TRAK1: variants seen among roughly 807,000 people sequenced by gnomAD.
TRAK1 encodes trafficking kinesin-binding protein 1.
In TRAK1, 33 loss-of-function variants were observed where a neutral mutation model predicts 92.1. That is an observed-to-expected ratio of 0.36 (90% CI 0.27 to 0.48). The LOEUF is 0.48. TRAK1 is among the 20% of genes least tolerant of loss of function. TRAK1 has a pLI of 0.99. For missense variants in TRAK1, 1,123 were observed against 1,257.9 expected, an observed-to-expected ratio of 0.89 and a Z score of 1.62; for synonymous variants, 521 against 517.3, an observed-to-expected ratio of 1.01 and a Z score of -0.10.
chr3:42,193,322 G>A lies in TRAK1; in HGVS notation c.900+117G>A, dbSNP rs55720913. The A allele has an allele frequency of 7.7e-6, 11 of 1,420,832 alleles. No homozygotes were observed. The East Asian group carries it at 1.7e-4, about 22-fold the overall frequency. The allele number at this position is 1,420,832 out of a possible 1,614,324, so 88.0% of individuals were successfully genotyped here. A position where few individuals can be genotyped will look rare whatever the true frequency, so the allele number is the denominator to read the frequency against. ...TCATATCTTAGCAGTTCGTGTTGCC[G>A]CTTTGCAGAAAAAGCTTAGTGGACT... On this transcript the variant is annotated intron_variant, in intron 8 of 15. Coordinates refer to ENST00000327628, the MANE Select transcript of TRAK1 (RefSeq NM_001042646.3).
intron 2 of TRAK1, among the ~76,000 whole-genome samples, chr3:42,153,026 C>T (rs1023550396): frequency 7.9e-5 from 12 of 152,124 alleles, no homozygotes; most frequent in East Asian, 1.9e-4. Flanking sequence ...TTGTAAGCGA[C>T]GAAGAGCCAG....
chr3:42,118,214 A>G (rs1359026928), intron 1 of TRAK1, among the ~76,000 whole-genome samples: 2 of 151,528 alleles, frequency 1.3e-5, no homozygotes, highest in African/African-American at 2.4e-5. Context: ...CCTCCCAAGT[A>G]GCTGGGATTA....
At chr3:42,035,214 C>T (rs1197668587) in intron 1 of TRAK1, among the ~76,000 whole-genome samples, 1 of 152,124 alleles carries the variant, frequency 6.6e-6, no homozygotes, top group Admixed American at 6.6e-5. Flanking sequence ...TGCTGTTTCC[C>T]TTGGCTTCTG....
chr3:42,222,995 C>T lies in TRAK1; in HGVS notation c.2120C>T (p.Thr707Met), dbSNP rs367557305. Residue 707 changes from threonine to methionine, a missense_variant, in exon 16 of 16, where the codon ACG (threonine) becomes ATG (methionine). Around this residue, in one of 3 missense-constraint regions of TRAK1, gnomAD observed 401 missense variants for 438.9 expected, o/e 0.91. Transcript: ENST00000327628. ...ACGSTSHLKSTPVATPCTPRR... is the reference protein window; with the variant it reads ...ACGSTSHLKSMPVATPCTPRR... ...GGCAGCACCAGCCACTTGAAATCCACGCCGGTGGCCACACCATGCACTCCA... is the reference window on the plus strand; with the variant it reads ...GGCAGCACCAGCCACTTGAAATCCATGCCGGTGGCCACACCATGCACTCCA... The T allele has an allele frequency of 5.6e-6, 9 of 1,613,992 alleles. No individual in the cohort carries two copies. In the African/African-American group the frequency reaches 6.7e-5, roughly 12 times the overall value.
intron 2 of TRAK1, among the ~76,000 whole-genome samples, chr3:42,133,496 C>T (rs1697486303): frequency 6.6e-6 from 1 of 152,214 alleles, no homozygotes; most frequent in African/African-American, 2.4e-5. Flanking sequence ...GCTGGGACTA[C>T]AGGTGCATAC....
intron 1 of TRAK1, among the ~76,000 whole-genome samples, chr3:42,079,626 C>T (rs1385531244): frequency 6.6e-6 from 1 of 151,944 alleles, no homozygotes; most frequent in Non-Finnish European, 1.5e-5. Context: ...ACTACAGGCG[C>T]TCACCACCAT....
At chr3:42,207,153 T>C (rs1708425417) in intron 13 of TRAK1, among the ~76,000 whole-genome samples, 1 of 152,212 alleles carries the variant, frequency 6.6e-6, no homozygotes. Flanking sequence ...CTCATCATCC[T>C]TCTCAGACTC....
At chr3:42,204,763 G>T (rs1435961334) in intron 13 of TRAK1, among the ~76,000 whole-genome samples, 1 of 151,960 alleles carries the variant, frequency 6.6e-6, no homozygotes, top group Non-Finnish European at 1.5e-5. Context: ...TTATTTATTT[G>T]TAGAGACAGG....
At chr3:42,092,460 G>A (rs1165252661) in intron 1 of TRAK1, among the ~76,000 whole-genome samples, 1 of 152,152 alleles carries the variant, frequency 6.6e-6, no homozygotes, top group Admixed American at 6.5e-5. Context: ...GTGTGTTGAA[G>A]CAGCGTGCAC....
At chr3:42,187,546 C>T (rs1159770535) in intron 4 of TRAK1, among the ~76,000 whole-genome samples, 2 of 152,122 alleles carry the variant, frequency 1.3e-5, no homozygotes, top group Admixed American at 6.6e-5. Context: ...CAGCTCACTA[C>T]AACCCCTGCC....
chr3:42,056,255 G>A (rs79009959), intron 1 of TRAK1, among the ~76,000 whole-genome samples: 8,370 of 152,166 alleles, frequency 0.055, 742 homozygotes, highest in African/African-American at 0.18. Flanking sequence ...TTGATAAATT[G>A]CCAGACTGTT....
chr3:42,101,983 G>A lies in TRAK1; in HGVS notation c.91+10423G>A, dbSNP rs182857208. Among the ~76,000 whole-genome samples, 43 of 152,184 alleles carry A rather than the reference G, an allele frequency of 2.8e-4. No homozygotes were observed. The East Asian group carries it at 7.2e-3, about 25-fold the overall frequency. ...ATTGTTCTTAAGTATGAAATATCAC[G>A]TACTTATTTATTTATTTTTTGAGAT... On this transcript the variant is annotated intron_variant, in intron 1 of 15. Coordinates refer to ENST00000327628, the MANE Select transcript of TRAK1 (RefSeq NM_001042646.3).
chr3:42,022,899 C>T (rs953685725), intron 1 of TRAK1, among the ~76,000 whole-genome samples: 2 of 151,904 alleles, frequency 1.3e-5, no homozygotes, highest in African/African-American at 2.4e-5. Context: ...TGGCTCACAC[C>T]TGTAATCCCA....
intron 1 of TRAK1, among the ~76,000 whole-genome samples, chr3:42,069,647 C>T (rs1703831258): frequency 6.6e-6 from 1 of 152,076 alleles, no homozygotes; most frequent in African/African-American, 2.4e-5. Flanking sequence ...TCTTGGCCAC[C>T]ATGTGATTCT....
intron 3 of TRAK1, among the ~76,000 whole-genome samples, chr3:42,183,289 T>C (rs1463195): frequency 0.75 from 114,638 of 151,950 alleles, 43,634 homozygotes; most frequent in East Asian, 0.99. Flanking sequence ...GGCGCAGTGG[T>C]TCACACCTGT....
chr3:42,160,516 G>T, intron 2 of TRAK1: 1 of 1,577,470 alleles, frequency 6.3e-7, no homozygotes, highest in Non-Finnish European at 8.7e-7. Flanking sequence ...TTCCTTGTTA[G>T]TATCTAAATA....
chr3:42,143,004 C>G (rs185971730), intron 2 of TRAK1, among the ~76,000 whole-genome samples: 1 of 152,096 alleles, frequency 6.6e-6, no homozygotes, highest in African/African-American at 2.4e-5. Flanking sequence ...TTTCCCTGCC[C>G]GAAGACTTGG....
intron 1 of TRAK1, among the ~76,000 whole-genome samples, chr3:42,045,054 T>C (rs773100210): frequency 1.1e-4 from 16 of 152,218 alleles, no homozygotes; most frequent in Non-Finnish European, 1.9e-4. Flanking sequence ...AATCTATTGT[T>C]ACCATAAATG....
rs1194260587 is a variant in TRAK1 at position 42,224,918 on chromosome 3, A to G, written c.*1181A>G. On this transcript the variant is annotated 3_prime_UTR_variant, in exon 16 of 16. Coordinates refer to ENST00000327628, the MANE Select transcript of TRAK1 (RefSeq NM_001042646.3). ...TTTCCTTCTTGTTTCAGAACAGCAC[A>G]TGGTCACAACAAGATATTTTCTTTC... 1 of 152,224 alleles carries G rather than the reference A, an allele frequency of 6.6e-6. No individual in the cohort carries two copies. Among genetic ancestry groups the G allele is most frequent in the Non-Finnish European group, 1.5e-5 (1 of 68,050 alleles). 9.4% of individuals were successfully genotyped at this position (152,224 alleles called of 1,614,324 possible). A position where few individuals can be genotyped will look rare whatever the true frequency, so the allele number is the denominator to read the frequency against.
Sources: allele counts gnomAD v4.1 joint callset (sites outside exome capture counted in the v4.1 genomes callset), GRCh38; gene constraint gnomAD v4.1.1; regional missense constraint gnomAD v4.1.1; transcripts MANE v1.5; gene names NCBI Gene and HGNC (gene_info 2026-07-23, HGNC 2026-07-21).